PGM1: variants seen among roughly 807,000 people sequenced by gnomAD.
The protein encoded by PGM1 is phosphoglucomutase 1.
Under a neutral mutation model 55.6 loss-of-function variants are expected in PGM1, and 52 were observed. That is an observed-to-expected ratio of 0.94 (90% confidence interval 0.75 to 1.18). PGM1 has a LOEUF of 1.18. Among genes scored for constraint, PGM1 ranks in the 50% most tolerant of loss-of-function variants. The pLI, the probability that PGM1 is intolerant of heterozygous loss-of-function variation, is 0.00. For missense variants in PGM1, 724 were observed against 729.3 expected (o/e 0.99, Z 0.08); for synonymous variants, 287 against 271.7 (o/e 1.06, Z -0.55).
At chr1:63,615,098 G>T (rs1018675850) in intron 1 of PGM1, among the ~76,000 whole-genome samples, 2 of 152,176 alleles carry the variant, frequency 1.3e-5, no homozygotes, top group Non-Finnish European at 2.9e-5. Flanking sequence ...CATTCCTCCA[G>T]TGCCTGGACC....
intron 7 of PGM1, among the ~76,000 whole-genome samples, chr1:63,640,783 TC>T (rs1399620030): frequency 1.3e-5 from 2 of 152,170 alleles, no homozygotes; most frequent in Admixed American, 1.3e-4. Flanking sequence ...CTTTGTTTCC[TC>T]CAGTCATTCC....
intron 8 of PGM1, among the ~76,000 whole-genome samples, chr1:63,649,958 G>C (rs534299143): frequency 1.3e-5 from 2 of 152,276 alleles, no homozygotes; most frequent in South Asian, 4.1e-4. Flanking sequence ...ACCGATAAAT[G>C]AATGAGTTAA....
intron 1 of PGM1, among the ~76,000 whole-genome samples, chr1:63,628,149 G>T (rs139099943): frequency 6.6e-6 from 1 of 152,320 alleles, no homozygotes; most frequent in East Asian, 1.9e-4. Flanking sequence ...ATGGGATGTA[G>T]AAAGCACTCT....
Position 63,660,133 on chromosome 1 carries a change from A to G in PGM1, c.*458A>G, listed in dbSNP as rs1295575657. ...ATGCAATTTCTAGTGCCTTCTGTCCAATCAGTTCTTTCCTCTGAGTGAGAC... is the reference window on the plus strand; with the variant it reads ...ATGCAATTTCTAGTGCCTTCTGTCCGATCAGTTCTTTCCTCTGAGTGAGAC... On this transcript the variant is annotated 3_prime_UTR_variant, in exon 11 of 11. Transcript: ENST00000371084. 4.7e-6 allele frequency: 1 copy of G among 210,654 alleles called. No individual in the cohort carries two copies. The highest frequency in any genetic ancestry group is 1.1e-4 in the East Asian group (1 of 9,458). The allele number at this position is 210,654 out of a possible 1,614,324, so 13.0% of individuals were successfully genotyped here.
Position 63,638,743 on chromosome 1 carries a change from G to C in PGM1, c.1087G>C (p.Gly363Arg), listed in dbSNP as rs918463254. The change falls in exon 7 of 11, where the codon GGG (glycine) becomes CGG (arginine). Residue 363 changes from glycine to arginine, a missense_variant. This residue lies in a region of PGM1 where 316 missense variants were observed against 313.1 expected (regional missense o/e 1.01). Coordinates refer to ENST00000371084, the MANE Select transcript of PGM1 (RefSeq NM_002633.3). ...YETPTGWKFF[G>R]NLMDASKLSL... ...GACCCCAACTGGCTGGAAGTTTTTT[G>C]GGAATTTGATGGACGCGAGCAAACT... The C allele has an allele frequency of 1.9e-6, 3 of 1,613,946 alleles. No homozygotes were observed. The highest frequency in any genetic ancestry group is 1.3e-5 in the African/African-American group (1 of 74,892).
chr1:63,636,659 T>C (rs1364578586), intron 6 of PGM1, among the ~76,000 whole-genome samples: 2 of 152,246 alleles, frequency 1.3e-5, no homozygotes, highest in Non-Finnish European at 2.9e-5. Context: ...CCTGCTAGAC[T>C]GTATACTTCT....
chr1:63,612,681 C>T (rs1455129297), intron 1 of PGM1, among the ~76,000 whole-genome samples: 1 of 152,178 alleles, frequency 6.6e-6, no homozygotes, highest in Non-Finnish European at 1.5e-5. Context: ...AGCTTTCAGC[C>T]TCAACCATGC....
intron 1 of PGM1, among the ~76,000 whole-genome samples, chr1:63,627,844 T>G (rs1231672549): frequency 1.3e-5 from 2 of 152,128 alleles, no homozygotes. Context: ...GAACATAGGC[T>G]TTTATTCTCA....
intron 1 of PGM1, among the ~76,000 whole-genome samples, chr1:63,605,050 A>G (rs1475912727): frequency 6.6e-6 from 1 of 151,862 alleles, no homozygotes; most frequent in Non-Finnish European, 1.5e-5. Flanking sequence ...CTGGCTGGGA[A>G]TGCACACTCC....
At chr1:63,629,869 G>T (rs1416656632) in intron 2 of PGM1, 73 bp from the exon 3 acceptor site, 3 of 1,544,292 alleles carry the variant, frequency 1.9e-6, no homozygotes, top group East Asian at 2.2e-5. Flanking sequence ...AAGAGGAACT[G>T]ATGAGCTTTG....
Position 63,629,615 on chromosome 1 carries a change from G to A in PGM1, c.409+28G>A, listed in dbSNP as rs375017435. 13 of 1,606,414 alleles carry A rather than the reference G, an allele frequency of 8.1e-6. No individual in the cohort carries two copies. In the East Asian group the frequency reaches 1.8e-4, roughly 22 times the overall value. On this transcript the variant is annotated intron_variant, in intron 2 of 10. Transcript: ENST00000371084. ...GAGTTTGCTGTCATTTTGAGGACAGGTAAGTTTACATTCAGTAGGACAAAT... is the reference window on the plus strand; with the variant it reads ...GAGTTTGCTGTCATTTTGAGGACAGATAAGTTTACATTCAGTAGGACAAAT...
chr1:63,631,878 T>A, intron 4 of PGM1, 96 bp downstream of exon 4: 1 of 1,191,860 alleles, frequency 8.4e-7, no homozygotes, highest in Middle Eastern at 1.9e-4. Flanking sequence ...TTTTCTCAAG[T>A]CTCTCTGATG....
chr1:63,609,047 T>G (rs1217455967), intron 1 of PGM1, among the ~76,000 whole-genome samples: 2 of 152,212 alleles, frequency 1.3e-5, no homozygotes, highest in South Asian at 2.1e-4. Flanking sequence ...GATAAGAAGA[T>G]GGGCCTAGGG....
intron 7 of PGM1, among the ~76,000 whole-genome samples, chr1:63,647,259 CATATATATATATAT>C (rs55760196): frequency 0.011 from 612 of 55,294 alleles, 20 homozygotes; most frequent in African/African-American, 0.041. Flanking sequence ...TAAAATTTTA[CATATATATATATAT>C]ATATATATAT....
At chr1:63,622,317 G>A (rs1648902107) in intron 1 of PGM1, among the ~76,000 whole-genome samples, 1 of 152,114 alleles carries the variant, frequency 6.6e-6, no homozygotes, top group South Asian at 2.1e-4. Flanking sequence ...GAGCCACCAT[G>A]CCTGGCTGAG....
intron 1 of PGM1, among the ~76,000 whole-genome samples, chr1:63,596,680 A>G (rs566369723): frequency 1.3e-5 from 2 of 152,078 alleles, no homozygotes; most frequent in Non-Finnish European, 2.9e-5. Context: ...ATCTTCAGAA[A>G]CCTTTCTTGA....
At chr1:63,624,697 T>A (rs1648975766) in intron 1 of PGM1, among the ~76,000 whole-genome samples, 1 of 152,258 alleles carries the variant, frequency 6.6e-6, no homozygotes, top group Non-Finnish European at 1.5e-5. Flanking sequence ...GAAGAGATTC[T>A]GATTCTTGGT....
At chr1:63,623,747 C>T (rs1648948603) in intron 1 of PGM1, 2 of 1,609,462 alleles carry the variant, frequency 1.2e-6, no homozygotes, top group African/African-American at 2.7e-5. Context: ...GTGCAGATGG[C>T]AGCTGCCAAT....
chr1:63,646,259 A>G (rs911898898), intron 7 of PGM1, among the ~76,000 whole-genome samples: 3 of 152,202 alleles, frequency 2.0e-5, no homozygotes, highest in African/African-American at 4.8e-5. Flanking sequence ...GCATGATTAT[A>G]GAGCAATTGT....
Sources: gnomAD v4.1 joint callset for allele counts (sites outside exome capture counted in the v4.1 genomes callset) on GRCh38, gnomAD v4.1.1 for gene constraint, gnomAD v4.1.1 regional missense constraint, MANE v1.5 for transcripts, NCBI Gene and HGNC (gene_info 2026-07-23, HGNC 2026-07-21) for gene names.